The following ASIC2 variants were observed in gnomAD, a reference collection of about 807,000 sequenced individuals.
ASIC2 encodes acid sensing ion channel subunit 2, also known as acid-sensing ion channel 2.
ASIC2 carries 25 observed loss-of-function variants against 57.3 expected under a neutral mutation model. The ratio of observed to expected loss-of-function variants is 0.44; its 90% CI spans 0.32 to 0.61. The LOEUF (loss-of-function observed/expected upper bound fraction) is 0.61, where lower values mean the gene tolerates loss of function less well. ASIC2 is among the 20% of genes least tolerant of loss of function. ASIC2 has a pLI of 0.06. For missense variants in ASIC2, 641 were observed against 738.1 expected, an observed-to-expected ratio of 0.87 and a Z score of 1.52; for synonymous variants, 319 against 307.5, an observed-to-expected ratio of 1.04 and a Z score of -0.39.
intron 1 of ASIC2, among the ~76,000 whole-genome samples, chr17:33,179,448 T>G (rs1190375032): frequency 6.6e-6 from 1 of 152,198 alleles, no homozygotes; most frequent in Non-Finnish European, 1.5e-5. Flanking sequence ...CACAATGTTG[T>G]CAAAAGGATC....
At chr17:33,553,273 C>T (rs1915804523) in intron 1 of ASIC2, among the ~76,000 whole-genome samples, 1 of 152,092 alleles carries the variant, frequency 6.6e-6, no homozygotes, top group Admixed American at 6.6e-5. Context: ...CAGGTGGTAA[C>T]TGAATATGTG....
At chr17:34,118,540 G>A (rs958940224) in intron 1 of ASIC2, 1 of 152,190 alleles carries the variant, frequency 6.6e-6, no homozygotes, top group Admixed American at 6.5e-5. Flanking sequence ...GACCAGCCAC[G>A]TTCTTGGCCA....
chr17:33,791,553 T>C (rs1338586639), intron 1 of ASIC2, among the ~76,000 whole-genome samples: 1 of 152,134 alleles, frequency 6.6e-6, no homozygotes, highest in Non-Finnish European at 1.5e-5. Context: ...GACACATTAA[T>C]ATTTGACATT....
intron 1 of ASIC2, among the ~76,000 whole-genome samples, chr17:33,447,504 T>G (rs565976553): frequency 3.9e-4 from 60 of 152,254 alleles, no homozygotes; most frequent in African/African-American, 1.4e-3. Context: ...GGCTAGGCCT[T>G]CTCTAAGGAA....
intron 1 of ASIC2, among the ~76,000 whole-genome samples, chr17:33,282,463 G>GTGTA (rs1303018407): frequency 3.4e-5 from 3 of 88,922 alleles, no homozygotes; most frequent in Non-Finnish European, 6.9e-5. Context: ...ATGTGTGTGT[G>GTGTA]TGTGTGTGTG....
At chr17:33,779,915 T>C (rs562533717) in intron 1 of ASIC2, among the ~76,000 whole-genome samples, 5 of 150,932 alleles carry the variant, frequency 3.3e-5, no homozygotes, top group Non-Finnish European at 5.9e-5. Context: ...CATTGTCCCA[T>C]ACCTAGTGGG....
At chr17:33,282,263 A>T (rs1904981103) in intron 1 of ASIC2, among the ~76,000 whole-genome samples, 1 of 152,186 alleles carries the variant, frequency 6.6e-6, no homozygotes, top group Non-Finnish European at 1.5e-5. Context: ...GAAGTCTGAA[A>T]TGAGTCTTAC....
chr17:33,509,269 T>C (rs983965968), intron 1 of ASIC2, among the ~76,000 whole-genome samples: 2 of 152,182 alleles, frequency 1.3e-5, no homozygotes, highest in Non-Finnish European at 2.9e-5. Context: ...GGGGACCATT[T>C]AAAGGTTATA....
chr17:33,162,975 T>G (rs529920768), intron 1 of ASIC2, among the ~76,000 whole-genome samples: 1 of 152,348 alleles, frequency 6.6e-6, no homozygotes, highest in Admixed American at 6.5e-5. Flanking sequence ...TGTTTCTCTT[T>G]CCTGCACTGA....
Position 33,186,904 on chromosome 17 carries a change from C to T in ASIC2, c.709-74837G>A, listed in dbSNP as rs375109944. 9.7e-4 allele frequency among the ~76,000 whole-genome samples: 148 copies of T among 152,238 alleles called. 2 individuals carry two copies. Among genetic ancestry groups the T allele is most frequent in the African/African-American group, 3.4e-3 (142 of 41,530 alleles). On this transcript the variant is annotated intron_variant, in intron 1 of 9. Coordinates refer to ENST00000225823, the MANE Select transcript of ASIC2 (RefSeq NM_183377.2). Reference sequence around the variant, plus strand: ...TGTTGTCTACTCTTTTTCTATGCAACAACAATGAACCATTTCTAGATCAGA... The same window carrying T: ...TGTTGTCTACTCTTTTTCTATGCAATAACAATGAACCATTTCTAGATCAGA...
At chr17:33,425,861 C>G (rs1911201176) in intron 1 of ASIC2, among the ~76,000 whole-genome samples, 1 of 152,112 alleles carries the variant, frequency 6.6e-6, no homozygotes, top group East Asian at 1.9e-4. Context: ...CCAGGATGTG[C>G]ATATTTTGCT....
intron 1 of ASIC2, among the ~76,000 whole-genome samples, chr17:33,346,099 C>A (rs2645982): frequency 6.6e-6 from 1 of 151,578 alleles, no homozygotes; most frequent in African/African-American, 2.4e-5. Context: ...TGGTCGTGGG[C>A]GTCTGTAATC....
At chr17:33,884,707 C>G (rs532342235) in intron 1 of ASIC2, among the ~76,000 whole-genome samples, 1 of 151,916 alleles carries the variant, frequency 6.6e-6, no homozygotes, top group African/African-American at 2.4e-5. Context: ...CATTCAGATA[C>G]CCCCCACCCC....
chr17:33,910,218 G>A (rs558043013), intron 1 of ASIC2, among the ~76,000 whole-genome samples: 22 of 152,138 alleles, frequency 1.4e-4, no homozygotes, highest in East Asian at 9.6e-4. Flanking sequence ...TCCATATTCC[G>A]GTTGGATGAC....
At chr17:33,111,387 AG>A (rs1403606458) in intron 2 of ASIC2, among the ~76,000 whole-genome samples, 1 of 152,214 alleles carries the variant, frequency 6.6e-6, no homozygotes, top group Non-Finnish European at 1.5e-5. Context: ...GCATGAAATA[AG>A]CTTTAGGGTC....
chr17:33,625,667 T>C (rs1567672860), intron 1 of ASIC2, among the ~76,000 whole-genome samples: 1 of 152,106 alleles, frequency 6.6e-6, no homozygotes, highest in African/African-American at 2.4e-5. Flanking sequence ...ATCAAAGACA[T>C]AAATAAAAGG....
rs373533192 is a variant in ASIC2 at position 33,872,340 on chromosome 17, C to T, written c.555+283638G>A. On this transcript the variant is annotated intron_variant, in intron 1 of 9. Transcript: ENST00000359872. Reference sequence around the variant, plus strand: ...TGAACCAAGTGTCAGTCTGAGGGGTCAGGCAGGAAGATGAGCAAAGAGATG... The same window carrying T: ...TGAACCAAGTGTCAGTCTGAGGGGTTAGGCAGGAAGATGAGCAAAGAGATG... Among the ~76,000 whole-genome samples the T allele has an allele frequency of 7.9e-5, 12 of 152,194 alleles. No homozygotes were observed. In the East Asian group the frequency reaches 2.1e-3, roughly 27 times the overall value.
intron 1 of ASIC2, among the ~76,000 whole-genome samples, chr17:33,137,974 C>T (rs1485022834): frequency 1.3e-5 from 2 of 152,174 alleles, no homozygotes; most frequent in Non-Finnish European, 2.9e-5. Context: ...AACCATCTCT[C>T]TTCTAACTTG....
intron 1 of ASIC2, among the ~76,000 whole-genome samples, chr17:33,395,226 A>G (rs987460047): frequency 3.3e-5 from 5 of 150,394 alleles, no homozygotes; most frequent in Non-Finnish European, 5.9e-5. Flanking sequence ...CCATCCATCC[A>G]TCCATCTTTC....
Sources: allele counts gnomAD v4.1 joint callset (sites outside exome capture counted in the v4.1 genomes callset), GRCh38; gene constraint gnomAD v4.1.1; transcripts MANE v1.5; gene names NCBI Gene and HGNC (gene_info 2026-07-23, HGNC 2026-07-21).